Variants in NAT1 observed in about 807,000 individuals in gnomAD.
The protein encoded by NAT1 is N-acetyltransferase 1.
For synonymous variants in NAT1, 144 were observed against 122.6 expected, an observed-to-expected ratio of 1.17 and a Z score of -1.16; for missense variants, 400 against 339.2, an observed-to-expected ratio of 1.18 and a Z score of -1.41.
intron 1 of NAT1, among the ~76,000 whole-genome samples, chr8:18,213,760 G>T (rs1207930058): frequency 1.3e-5 from 2 of 151,590 alleles, no homozygotes; most frequent in Non-Finnish European, 2.9e-5. Context: ...TACTGGATTG[G>T]ACTCTCCTAG....
intron 2 of NAT1, among the ~76,000 whole-genome samples, chr8:18,182,066 T>G (rs577164906): frequency 6.6e-6 from 1 of 152,280 alleles, no homozygotes; most frequent in African/African-American, 2.4e-5. Context: ...TGCCTGGCAT[T>G]GAGGAGAGGT....
chr8:18,222,911 T>C lies in NAT1; in HGVS notation c.864T>C (p.Phe288=), dbSNP rs767689570. 45 of 1,550,570 alleles carry C rather than the reference T, an allele frequency of 2.9e-5. No individual in the cohort carries two copies. In the Middle Eastern group the frequency reaches 7.1e-4, roughly 24 times the overall value. The change falls in exon 3 of 3, where the codon TTT becomes TTC. Residue 288 remains phenylalanine (F), a synonymous_variant. Coordinates refer to ENST00000307719, the MANE Select transcript of NAT1 (RefSeq NM_000662.8). ...KLVPKHGDRF[F]TI is the part of the protein sequence containing the mutation. The stretch of plus-strand genomic sequence containing the variant: ...TGCCCAAACATGGTGATAGATTTTT[T>C]ACTATTTAGAATAAGGAGTAAAACA...
At chr8:18,204,541 G>A (rs1803623628) in intron 2 of NAT1, among the ~76,000 whole-genome samples, 1 of 140,190 alleles carries the variant, frequency 7.1e-6, no homozygotes, top group Non-Finnish European at 1.5e-5. Context: ...ATATACTTTG[G>A]CATTTTATTT....
intron 1 of NAT1, among the ~76,000 whole-genome samples, chr8:18,210,827 T>G (rs938208113): frequency 1.3e-5 from 2 of 152,158 alleles, no homozygotes; most frequent in Admixed American, 1.3e-4. Flanking sequence ...CAGGCTGGAG[T>G]GCAGTGGCGT....
At chr8:18,205,855 T>C (rs1397030333), upstream of NAT1, among the ~76,000 whole-genome samples, 3 of 152,134 alleles carry the variant, frequency 2.0e-5, no homozygotes, top group African/African-American at 7.2e-5. Flanking sequence ...GTGGCCAGGC[T>C]GGGGCCCTGG....
chr8:18,191,355 A>C lies in NAT1; in HGVS notation n.93-18426A>C, dbSNP rs992270851. ...TTTAATAAAACCTCTGAAGTTTTTT[A>C]TAAAAACTTTTATGTATACAAGCCT... is the stretch of plus-strand genomic sequence containing the variant. On this transcript the variant is annotated intron_variant and non_coding_transcript_variant, in intron 2 of 4. Coordinates refer to the NAT1 transcript ENST00000517441. Among the ~76,000 whole-genome samples the C allele has an allele frequency of 7.2e-5, 11 of 152,318 alleles. No individual in the cohort carries two copies. In the East Asian group the frequency reaches 1.9e-3, roughly 27 times the overall value.
At chr8:18,179,567 G>A (rs1334012690) in intron 2 of NAT1, among the ~76,000 whole-genome samples, 1 of 152,152 alleles carries the variant, frequency 6.6e-6, no homozygotes, top group African/African-American at 2.4e-5. Context: ...ACAGAAAGAA[G>A]GGCAGAACTG....
intron 2 of NAT1, among the ~76,000 whole-genome samples, chr8:18,173,392 C>G (rs955877380): frequency 2.0e-5 from 3 of 152,080 alleles, no homozygotes; most frequent in Non-Finnish European, 4.4e-5. Flanking sequence ...AATGAATGTT[C>G]TTTTATCATC....
At chr8:18,183,696 T>C (rs564880324) in intron 2 of NAT1, among the ~76,000 whole-genome samples, 3 of 152,222 alleles carry the variant, frequency 2.0e-5, no homozygotes, top group East Asian at 3.9e-4. Context: ...ACCTATGAAA[T>C]CAAACTATTT....
At chr8:18,192,140 C>A (rs1207269406) in intron 2 of NAT1, among the ~76,000 whole-genome samples, 2 of 151,482 alleles carry the variant, frequency 1.3e-5, no homozygotes, top group African/African-American at 4.9e-5. Flanking sequence ...AACAAATTTA[C>A]AAGAAAAAAA....
intron 2 of NAT1, among the ~76,000 whole-genome samples, chr8:18,197,566 G>A (rs1242751931): frequency 6.6e-6 from 1 of 152,230 alleles, no homozygotes. Flanking sequence ...TCCAGTCGGA[G>A]TGTCAGTAGT....
At chr8:18,193,547 A>C (rs1803106789) in intron 2 of NAT1, among the ~76,000 whole-genome samples, 1 of 147,602 alleles carries the variant, frequency 6.8e-6, no homozygotes, top group African/African-American at 2.5e-5. Flanking sequence ...AAACATACAG[A>C]ACCAGGTCCT....
chr8:18,222,319 G>C lies in NAT1; in HGVS notation c.272G>C (p.Gly91Ala). The C allele has an allele frequency of 6.2e-7, 1 of 1,613,954 alleles. No individual in the cohort carries two copies. Among genetic ancestry groups the C allele is most frequent in the South Asian group, 1.1e-5 (1 of 91,072 alleles). The change falls in exon 3 of 3, where the codon GGG (glycine) becomes GCG (alanine). Residue 91 changes from glycine (G) to alanine (A), a missense_variant. By Grantham distance (60) the Gly-to-Ala change is moderately conservative (BLOSUM62 0). Transcript: ENST00000307719. ...TIGFETTMLGGYVYSTPAKKY... is the reference protein window; with the variant it reads ...TIGFETTMLGAYVYSTPAKKY... ...GGTTTTGAGACCACGATGTTGGGAG[G>C]GTATGTTTACAGCACTCCAGCCAAA... is the stretch of plus-strand genomic sequence containing the variant.
intron 1 of NAT1, chr8:18,211,226 A>C (rs1804070779): frequency 6.6e-6 from 1 of 152,304 alleles, no homozygotes; most frequent in Non-Finnish European, 1.5e-5. Flanking sequence ...ATGGACTTGC[A>C]GAATTCCACA....
Position 18,184,042 on chromosome 8 carries a change from G to T in NAT1, n.92+13303G>T, listed in dbSNP as rs556263644. On this transcript the variant is annotated intron_variant and non_coding_transcript_variant, in intron 2 of 4. Transcript: ENST00000517441. ...TATGCTTTCAGGGTCCCGGGGCGGG[G>T]TGGTGGGGGGGTCCCTGTTCCCATT... Among the ~76,000 whole-genome samples, 660 of 152,176 alleles carry T rather than the reference G, an allele frequency of 4.3e-3. 6 individuals are homozygous for T. The highest frequency in any genetic ancestry group is 0.014 in the African/African-American group (597 of 41,524).
chr8:18,216,770 G>C (rs1226894663), intron 1 of NAT1: 2 of 625,694 alleles, frequency 3.2e-6, no homozygotes, highest in Non-Finnish European at 5.3e-6. Context: ...CTAAGCAGTT[G>C]ACAGACAGAT....
chr8:18,179,026 A>C (rs908564327), intron 2 of NAT1, among the ~76,000 whole-genome samples: 1 of 151,994 alleles, frequency 6.6e-6, no homozygotes, highest in African/African-American at 2.4e-5. Context: ...CGTGCCTTTA[A>C]TTAGTCAACA....
At chr8:18,176,505 T>C (rs1389182298) in intron 2 of NAT1, among the ~76,000 whole-genome samples, 1 of 152,094 alleles carries the variant, frequency 6.6e-6, no homozygotes, top group Non-Finnish European at 1.5e-5. Context: ...CAAATATCAA[T>C]TGGCCATAAA....
At chr8:18,182,233 T>G (rs1802550165) in intron 2 of NAT1, among the ~76,000 whole-genome samples, 1 of 152,184 alleles carries the variant, frequency 6.6e-6, no homozygotes, top group East Asian at 1.9e-4. Flanking sequence ...GATGTTCCTG[T>G]GGGGGGTGAT....
Sources: gnomAD v4.1 joint callset for allele counts (sites outside exome capture counted in the v4.1 genomes callset) on GRCh38, gnomAD v4.1.1 for gene constraint, MANE v1.5 for transcripts, NCBI Gene and HGNC (gene_info 2026-07-23, HGNC 2026-07-21) for gene names.